Variants in MYRIP observed in about 807,000 individuals in gnomAD.
MYRIP encodes myosin VIIA and Rab interacting protein.
MYRIP carries 49 observed loss-of-function variants against 98.0 expected under a neutral mutation model. The observed-to-expected ratio is 0.50, with a 90% CI of 0.40 to 0.63. The LOEUF is 0.63. Among genes scored for constraint, MYRIP ranks in the 30% least tolerant of loss-of-function variants. The pLI is 0.00. For synonymous variants in MYRIP, 404 were observed against 409.5 expected (o/e 0.99, Z 0.16); for missense variants, 1,004 against 1,058.2 (o/e 0.95, Z 0.71).
chr3:39,842,757 C>A (rs998313720), intron 1 of MYRIP, among the ~76,000 whole-genome samples: 9 of 152,148 alleles, frequency 5.9e-5, no homozygotes, highest in Non-Finnish European at 1.0e-4. Context: ...GTGATTACCC[C>A]CCCTGCTTCT....
At chr3:40,025,877 C>T (rs59692991) in intron 2 of MYRIP, among the ~76,000 whole-genome samples, 2,553 of 152,174 alleles carry the variant, frequency 0.017, 67 homozygotes, top group African/African-American at 0.057. Context: ...AGAGCAAGAA[C>T]AAAGCAAAGA....
At chr3:40,251,131 C>A (rs1350529088) in intron 15 of MYRIP, among the ~76,000 whole-genome samples, 3 of 152,230 alleles carry the variant, frequency 2.0e-5, no homozygotes, top group Non-Finnish European at 4.4e-5. Flanking sequence ...ACATTTTCAA[C>A]AAATGCCCCA....
intron 3 of MYRIP, chr3:40,071,286 G>C (rs1019381764): frequency 1.3e-6 from 1 of 762,878 alleles, no homozygotes; most frequent in African/African-American, 1.9e-5. Context: ...GGCTGGATCA[G>C]GGGATTCAGA....
chr3:40,242,192 G>A (rs992724893), intron 12 of MYRIP: 3 of 152,044 alleles, frequency 2.0e-5, no homozygotes, highest in Non-Finnish European at 4.4e-5. Flanking sequence ...CTACCTCAAG[G>A]GTTGCTATGA....
intron 3 of MYRIP, among the ~76,000 whole-genome samples, chr3:40,116,424 T>C (rs1244933417): frequency 6.6e-6 from 1 of 151,362 alleles, no homozygotes; most frequent in African/African-American, 2.4e-5. Flanking sequence ...AACATCCCCC[T>C]ACTGTAAGTA....
intron 2 of MYRIP, among the ~76,000 whole-genome samples, chr3:40,033,676 T>C (rs1056247044): frequency 1.9e-4 from 29 of 152,240 alleles, no homozygotes; most frequent in African/African-American, 6.3e-4. Flanking sequence ...ATGCCATCCC[T>C]ATCAAGCTAC....
At position 40,060,843 on chromosome 3, in the gene MYRIP, TCGGC is replaced by T. The variant is rs1191285779; in HGVS notation, c.332+16574_332+16577del. ...CCTGATATCAGGCGATCCACCTGCCTCGGCCTCCCAAAGTGCTGGGATTACAGGC... is the reference window on the plus strand; with the variant it reads ...CCTGATATCAGGCGATCCACCTGCCTCTCCCAAAGTGCTGGGATTACAGGC... On this transcript the variant is annotated intron_variant, in intron 3 of 16. Coordinates refer to ENST00000302541, the MANE Select transcript of MYRIP (RefSeq NM_015460.4). Among the ~76,000 whole-genome samples the T allele has an allele frequency of 2.6e-5, 4 of 152,270 alleles. No homozygotes were observed. The East Asian group carries it at 7.7e-4, about 29-fold the overall frequency.
rs116156642 is a variant in MYRIP, at chr3:39,899,459, A to T, written c.-30-1328A>T. Among the ~76,000 whole-genome samples the T allele has an allele frequency of 4.2e-3, 642 of 152,128 alleles. 6 individuals carry two copies. The highest frequency in any genetic ancestry group is 0.015 in the African/African-American group (607 of 41,484). On this transcript the variant is annotated intron_variant, in intron 1 of 16. Coordinates refer to ENST00000302541, the MANE Select transcript of MYRIP (RefSeq NM_015460.4). Reference sequence around the variant, plus strand: ...TATTTTGAATGTGACTATTGTTACTATTCTTCTGTTAGGTTAACTATGTGA... The same window carrying T: ...TATTTTGAATGTGACTATTGTTACTTTTCTTCTGTTAGGTTAACTATGTGA...
chr3:40,064,550 G>C (rs1014147897), intron 3 of MYRIP, among the ~76,000 whole-genome samples: 1 of 152,138 alleles, frequency 6.6e-6, no homozygotes, highest in Non-Finnish European at 1.5e-5. Context: ...GTAATTAGGG[G>C]GAAAATGTCT....
chr3:39,884,024 CA>C (rs1943224516), intron 1 of MYRIP, among the ~76,000 whole-genome samples: 1 of 151,982 alleles, frequency 6.6e-6, no homozygotes, highest in Admixed American at 6.6e-5. Flanking sequence ...AAATATAACA[CA>C]AAACAAATTC....
chr3:39,947,283 AAAAG>A (rs1445823931), intron 2 of MYRIP, among the ~76,000 whole-genome samples: 1 of 152,138 alleles, frequency 6.6e-6, no homozygotes, highest in Non-Finnish European at 1.5e-5. Context: ...TTGGGGTAAT[AAAAG>A]AAAGAAATTA....
chr3:40,118,248 A>C (rs1422096423), intron 3 of MYRIP, among the ~76,000 whole-genome samples: 1 of 152,246 alleles, frequency 6.6e-6, no homozygotes, highest in African/African-American at 2.4e-5. Context: ...ATATGTTGCC[A>C]CAAGACTATA....
chr3:40,134,626 C>CA (rs1949721815), intron 3 of MYRIP, among the ~76,000 whole-genome samples: 1 of 152,176 alleles, frequency 6.6e-6, no homozygotes, highest in African/African-American at 2.4e-5. Flanking sequence ...AACTGGGAGG[C>CA]ACACCCCAGT....
intron 2 of MYRIP, among the ~76,000 whole-genome samples, chr3:39,916,212 A>C (rs1158886480): frequency 6.6e-6 from 1 of 152,088 alleles, no homozygotes; most frequent in African/African-American, 2.4e-5. Context: ...AGACATTAAA[A>C]ATTTTTCAAT....
At chr3:40,195,830 T>C (rs867239739) in intron 10 of MYRIP, among the ~76,000 whole-genome samples, 103 of 152,290 alleles carry the variant, frequency 6.8e-4, no homozygotes, top group African/African-American at 2.4e-3. Flanking sequence ...ACACTTTATA[T>C]GACATAATAA....
At chr3:40,134,227 G>A (rs538492509) in intron 3 of MYRIP, among the ~76,000 whole-genome samples, 1 of 152,378 alleles carries the variant, frequency 6.6e-6, no homozygotes, top group East Asian at 1.9e-4. Context: ...TGGCACACCA[G>A]GAGATTATAT....
In MYRIP at chr3:39,874,536, A is replaced by C. The variant is rs1297495471; in HGVS notation, c.-30-26251A>C. Among the ~76,000 whole-genome samples, 9 of 152,302 alleles carry C rather than the reference A, an allele frequency of 5.9e-5. No homozygotes were observed. In the South Asian group the frequency reaches 1.9e-3, roughly 32 times the overall value. On this transcript the variant is annotated intron_variant, in intron 1 of 16. Transcript: ENST00000302541. ...TCCCATCAATACCTAATTTATTGAGAGTTTTTAGTATGAAGGGTTGTTGAA... is the reference window on the plus strand; with the variant it reads ...TCCCATCAATACCTAATTTATTGAGCGTTTTTAGTATGAAGGGTTGTTGAA...
intron 3 of MYRIP, among the ~76,000 whole-genome samples, chr3:40,058,321 G>A (rs1015916170): frequency 3.3e-5 from 5 of 152,244 alleles, no homozygotes; most frequent in Non-Finnish European, 7.4e-5. Flanking sequence ...AAACTTAAGT[G>A]TGTATTACTT....
intron 11 of MYRIP, among the ~76,000 whole-genome samples, chr3:40,222,526 T>C (rs1382253458): frequency 6.6e-6 from 1 of 152,136 alleles, no homozygotes; most frequent in African/African-American, 2.4e-5. Flanking sequence ...GGAGATTTTG[T>C]TTTATGTTCC....
Sources: allele counts gnomAD v4.1 joint callset (sites outside exome capture counted in the v4.1 genomes callset), GRCh38; gene constraint gnomAD v4.1.1; transcripts MANE v1.5; gene names NCBI Gene and HGNC (gene_info 2026-07-23, HGNC 2026-07-21).